MAP3K7CL: variants seen among roughly 807,000 people sequenced by gnomAD.
MAP3K7CL encodes MAP3K7 C-terminal like.
MAP3K7CL carries 16 observed loss-of-function variants against 18.6 expected under a neutral mutation model. The ratio of observed to expected loss-of-function variants is 0.86; its 90% CI spans 0.58 to 1.31. The LOEUF (loss-of-function observed/expected upper bound fraction) is 1.31. Ranked by LOEUF, MAP3K7CL falls within the 50% of genes most tolerant of loss-of-function variation. MAP3K7CL has a pLI of 0.00. For missense variants in MAP3K7CL, 163 were observed against 174.4 expected, an observed-to-expected ratio of 0.93 and a Z score of 0.37; for synonymous variants, 65 against 66.8, an observed-to-expected ratio of 0.97 and a Z score of 0.13.
intron 4 of MAP3K7CL, 130 bp from the exon 5 acceptor site, chr21:29,174,582 C>G: frequency 8.9e-7 from 1 of 1,119,778 alleles, no homozygotes; most frequent in South Asian, 1.6e-5. Context: ...TCATTGGAGG[C>G]AAGTAGAGAT....
At chr21:29,158,816 C>T (rs979852352) in intron 3 of MAP3K7CL, among the ~76,000 whole-genome samples, 1 of 149,196 alleles carries the variant, frequency 6.7e-6, no homozygotes, top group Non-Finnish European at 1.5e-5. Context: ...GCCTATTTCA[C>T]AATAAACTGA....
chr21:29,131,931 G>A (rs948966219), intron 1 of MAP3K7CL, among the ~76,000 whole-genome samples: 22 of 152,264 alleles, frequency 1.4e-4, no homozygotes, highest in Non-Finnish European at 2.8e-4. Context: ...GTCAGAAACC[G>A]TGCTGTGAGA....
At position 29,175,386 on chromosome 21, in the gene MAP3K7CL, G is replaced by A. The variant is rs1473493853; in HGVS notation, c.*494G>A. On this transcript the variant is annotated 3_prime_UTR_variant, in exon 5 of 5. Coordinates refer to ENST00000399928, the MANE Select transcript of MAP3K7CL (RefSeq NM_001286620.2). ...TGTGCATGTATTTATATTTGCCAGA[G>A]TATAAACTTTTATACTCTGATTTTT... is the stretch of plus-strand genomic sequence containing the variant. The A allele has an allele frequency of 1.3e-5, 2 of 152,192 alleles. No homozygotes were observed. Among genetic ancestry groups the A allele is most frequent in the African/African-American group, 4.8e-5 (2 of 41,418 alleles). 9.4% of individuals were successfully genotyped at this position (152,192 alleles called of 1,614,324 possible).
chr21:29,108,973 A>G, intron 4 of MAP3K7CL: 1 of 1,352,262 alleles, frequency 7.4e-7, no homozygotes, highest in South Asian at 1.4e-5. Context: ...GGTCAACTTG[A>G]ATCTGAATTC....
chr21:29,116,406 A>G (rs924821029), intron 4 of MAP3K7CL, among the ~76,000 whole-genome samples: 8 of 152,258 alleles, frequency 5.3e-5, no homozygotes, highest in Non-Finnish European at 8.8e-5. Context: ...AGGATGATTT[A>G]GATGATCTGA....
At chr21:29,170,299 G>C (rs1286764103) in intron 4 of MAP3K7CL, among the ~76,000 whole-genome samples, 1 of 152,188 alleles carries the variant, frequency 6.6e-6, no homozygotes, top group Non-Finnish European at 1.5e-5. Context: ...CTGGGTTCCA[G>C]TAAAGAAGAA....
In MAP3K7CL at chr21:29,130,838, C is replaced by G. The variant is rs1162032780; in HGVS notation, c.-125C>G. 1.0e-5 allele frequency: 10 copies of G among 985,456 alleles called. No individual in the cohort carries two copies. Among genetic ancestry groups the G allele is most frequent in the Non-Finnish European group, 2.4e-6 (2 of 830,046 alleles). 61.0% of individuals were successfully genotyped at this position (985,456 alleles called of 1,614,324 possible). A position where few individuals can be genotyped will look rare whatever the true frequency, so the allele number is the denominator to read the frequency against. ...GCAGCAGGTGCAGCCTGGTCTCTCACTGAGTCTCTACTCCACAAAGGCAAC... is the reference window on the plus strand; with the variant it reads ...GCAGCAGGTGCAGCCTGGTCTCTCAGTGAGTCTCTACTCCACAAAGGCAAC... On this transcript the variant is annotated 5_prime_UTR_variant, in exon 1 of 5. Coordinates refer to ENST00000399928, the MANE Select transcript of MAP3K7CL (RefSeq NM_001286620.2).
At chr21:29,098,826 G>C (rs2146522652) in intron 4 of MAP3K7CL, among the ~76,000 whole-genome samples, 1 of 152,338 alleles carries the variant, frequency 6.6e-6, no homozygotes. Flanking sequence ...TTTTGAGGAA[G>C]AGAGAAATTC....
At chr21:29,157,206 G>T (rs1337909684) in intron 3 of MAP3K7CL, among the ~76,000 whole-genome samples, 3 of 152,132 alleles carry the variant, frequency 2.0e-5, no homozygotes, top group Admixed American at 6.6e-5. Flanking sequence ...TATTCACATT[G>T]TTGTGCAACC....
In MAP3K7CL at chr21:29,133,389, C is replaced by T. The variant is rs1258394878; in HGVS notation, c.45C>T (p.Ile15=). 17 of 1,549,294 alleles carry T rather than the reference C, an allele frequency of 1.1e-5. No homozygotes were observed. Among genetic ancestry groups the T allele is most frequent in the Non-Finnish European group, 1.3e-5 (15 of 1,146,114 alleles). ...TACCTGCTGACAAGCCTGTACGCATCGCCTTTAGCCTCAATGACGCCTCAG... is the reference window on the plus strand; with the variant it reads ...TACCTGCTGACAAGCCTGTACGCATTGCCTTTAGCCTCAATGACGCCTCAG... ...ARVPADKPVR[I]AFSLNDASDD... is the part of the protein sequence containing the mutation. Residue 15 remains isoleucine, a synonymous_variant, in exon 2 of 5, where the codon ATC becomes ATT. Coordinates refer to ENST00000399928, the MANE Select transcript of MAP3K7CL (RefSeq NM_001286620.2).
In MAP3K7CL at chr21:29,130,727, T is replaced by A. The variant is rs959887957; in HGVS notation, c.-236T>A. The A allele has an allele frequency of 1.4e-5, 14 of 985,406 alleles. No homozygotes were observed. In the African/African-American group the frequency reaches 2.4e-4, roughly 17 times the overall value. 61.0% of individuals were successfully genotyped at this position (985,406 alleles called of 1,614,324 possible). On this transcript the variant is annotated 5_prime_UTR_variant, in exon 1 of 5. Transcript: ENST00000399928. Reference sequence around the variant, plus strand: ...GGAAGGGAAGGGAAGGGAGGTCCCGTGGGACGCTGGGGTCTGGGGCAGAGC... The same window carrying A: ...GGAAGGGAAGGGAAGGGAGGTCCCGAGGGACGCTGGGGTCTGGGGCAGAGC...
At chr21:29,170,708 C>T (rs909565165) in intron 4 of MAP3K7CL, among the ~76,000 whole-genome samples, 10 of 151,302 alleles carry the variant, frequency 6.6e-5, no homozygotes, top group African/African-American at 2.4e-4. Flanking sequence ...GATGTGATCT[C>T]GGCTCACTGC....
At chr21:29,134,710 C>A (rs1168808547) in intron 2 of MAP3K7CL, among the ~76,000 whole-genome samples, 1 of 152,190 alleles carries the variant, frequency 6.6e-6, no homozygotes, top group Non-Finnish European at 1.5e-5. Context: ...ATTAACTATA[C>A]TTCTCTGTCA....
intron 1 of MAP3K7CL, among the ~76,000 whole-genome samples, chr21:29,089,461 C>G (rs1199857696): frequency 1.3e-5 from 2 of 152,208 alleles, no homozygotes; most frequent in East Asian, 3.9e-4. Context: ...TGAACTGGCC[C>G]AGAAAAAATG....
At chr21:29,171,112 C>T (rs1023231184) in intron 4 of MAP3K7CL, among the ~76,000 whole-genome samples, 1 of 152,158 alleles carries the variant, frequency 6.6e-6, no homozygotes, top group African/African-American at 2.4e-5. Context: ...CTGGCTCACT[C>T]TTATTAGCTG....
chr21:29,100,083 TAAAAAAA>T (rs397727880), intron 4 of MAP3K7CL, among the ~76,000 whole-genome samples: 2 of 122,856 alleles, frequency 1.6e-5, no homozygotes, highest in Non-Finnish European at 3.3e-5. Flanking sequence ...ACTCCGTCTT[TAAAAAAA>T]AAAAAAAAAA....
At chr21:29,162,431 C>G (rs763847734) in intron 4 of MAP3K7CL, among the ~76,000 whole-genome samples, 2 of 151,410 alleles carry the variant, frequency 1.3e-5, no homozygotes, top group Non-Finnish European at 2.9e-5. Context: ...CCTGTAATTT[C>G]AGCACTTTGG....
At position 29,159,941 on chromosome 21, in the gene MAP3K7CL, C is replaced by T. The variant is rs1256553851; in HGVS notation, c.133C>T (p.Pro45Ser). 1 of 1,611,126 alleles carries T rather than the reference C, an allele frequency of 6.2e-7. No homozygotes were observed. Among genetic ancestry groups the T allele is most frequent in the Non-Finnish European group, 8.5e-7 (1 of 1,178,036 alleles). Reference sequence around the variant, plus strand: ...TAATTTCTTCTTGTTGTTTGTGAAGCCCCTGCCGCCTTGTCATGACTCCGA... The same window carrying T: ...TAATTTCTTCTTGTTGTTTGTGAAGTCCCTGCCGCCTTGTCATGACTCCGA... Reference protein sequence around the residue: ...VFPELDQQLQPLPPCHDSEES... With the variant: ...VFPELDQQLQSLPPCHDSEES... The change falls in exon 4 of 5, where the codon CCC (proline) becomes TCC (serine). Residue 45 changes from proline to serine, a missense_variant and splice_region_variant. Pro to Ser is a moderately conservative substitution (Grantham distance 74, BLOSUM62 -1). Coordinates refer to ENST00000399928, the MANE Select transcript of MAP3K7CL (RefSeq NM_001286620.2).
At chr21:29,144,515 C>T (rs994803158) in intron 2 of MAP3K7CL, among the ~76,000 whole-genome samples, 1 of 152,094 alleles carries the variant, frequency 6.6e-6, no homozygotes, top group African/African-American at 2.4e-5. Context: ...AGTCTGAGAA[C>T]CTATGGACTA....
Sources: allele counts gnomAD v4.1 joint callset (sites outside exome capture counted in the v4.1 genomes callset), GRCh38; gene constraint gnomAD v4.1.1; transcripts MANE v1.5; gene names NCBI Gene and HGNC (gene_info 2026-07-23, HGNC 2026-07-21).